The following NRXN3 variants were observed in gnomAD, a reference collection of about 807,000 sequenced individuals.
The protein encoded by NRXN3 is neurexin III.
In NRXN3, 32 loss-of-function variants were observed where a neutral mutation model predicts 137.6. The ratio of observed to expected loss-of-function variants is 0.23; its 90% CI spans 0.18 to 0.31. The LOEUF is 0.31. Among genes scored for constraint, NRXN3 ranks in the 10% least tolerant of loss-of-function variants. The probability of loss-of-function intolerance (pLI) is 1.00; values close to 1 mark genes in which losing one functional copy is unlikely to be tolerated. For synonymous variants in NRXN3, 798 were observed against 784.5 expected (o/e 1.02, Z -0.29); for missense variants, 1,574 against 2,062.5 (o/e 0.76, Z 4.59).
chr14:78,630,805 C>T (rs2097514515), intron 4 of NRXN3, among the ~76,000 whole-genome samples: 2 of 152,120 alleles, frequency 1.3e-5, no homozygotes, highest in Non-Finnish European at 1.5e-5. Flanking sequence ...CGGGGTTTCA[C>T]CGTGTTAGCC....
intron 16 of NRXN3, among the ~76,000 whole-genome samples, chr14:79,549,244 C>G (rs2097351042): frequency 6.6e-6 from 1 of 152,110 alleles, no homozygotes; most frequent in Non-Finnish European, 1.5e-5. Flanking sequence ...AACTAAGACT[C>G]CCTCTGGGAG....
chr14:79,207,313 C>G (rs569244744), intron 15 of NRXN3, among the ~76,000 whole-genome samples: 1 of 152,164 alleles, frequency 6.6e-6, no homozygotes, highest in African/African-American at 2.4e-5. Flanking sequence ...ACCCCCACCC[C>G]GCCCCAAGCG....
chr14:78,960,932 T>C (rs980136989), intron 11 of NRXN3, among the ~76,000 whole-genome samples: 17 of 152,174 alleles, frequency 1.1e-4, no homozygotes. Flanking sequence ...GAAATGGAGT[T>C]CTTTATTGCC....
chr14:79,552,686 C>G (rs1435825825), intron 16 of NRXN3, among the ~76,000 whole-genome samples: 1 of 151,970 alleles, frequency 6.6e-6, no homozygotes, highest in Non-Finnish European at 1.5e-5. Flanking sequence ...AGATGAGTGG[C>G]CTGGAAGAAC....
At chr14:78,974,782 C>T (rs1232524336) in intron 14 of NRXN3, among the ~76,000 whole-genome samples, 1 of 151,930 alleles carries the variant, frequency 6.6e-6, no homozygotes, top group Admixed American at 6.6e-5. Flanking sequence ...GACTATTACT[C>T]ACAAGCTGGC....
intron 16 of NRXN3, among the ~76,000 whole-genome samples, chr14:79,606,251 A>C (rs2098014560): frequency 6.6e-6 from 1 of 152,186 alleles, no homozygotes; most frequent in South Asian, 2.1e-4. Flanking sequence ...TAAATAAATA[A>C]ATAAACAACA....
rs550833628 is a variant in NRXN3, at chr14:79,671,528, G to C, written c.3616+7579G>C. On this transcript the variant is annotated intron_variant, in intron 17 of 20. Transcript: ENST00000335750. ...TCAGCCTCTTTCTTTTTGCGATCTT[G>C]TTTTACCTTCTAGTGCCATATCTAT... Among the ~76,000 whole-genome samples the C allele has an allele frequency of 7.9e-5, 12 of 152,048 alleles. No homozygotes were observed. The South Asian group carries it at 2.5e-3, about 32-fold the overall frequency.
chr14:79,823,954 G>A (rs2099280843), intron 20 of NRXN3: 5 of 439,916 alleles, frequency 1.1e-5, no homozygotes, highest in South Asian at 3.2e-5. Flanking sequence ...GTGGGCACAA[G>A]CTATCCTGTA....
At chr14:79,196,178 G>T (rs2065102661) in intron 15 of NRXN3, among the ~76,000 whole-genome samples, 1 of 152,196 alleles carries the variant, frequency 6.6e-6, no homozygotes, top group Non-Finnish European at 1.5e-5. Flanking sequence ...TGAGTTAAGT[G>T]AATGACTTGA....
chr14:79,706,482 C>T (rs2098780054), intron 19 of NRXN3, among the ~76,000 whole-genome samples: 1 of 133,172 alleles, frequency 7.5e-6, no homozygotes, highest in Non-Finnish European at 1.5e-5. Flanking sequence ...CCTGCATAAA[C>T]TGGCCATAAA....
At chr14:79,696,905 T>C (rs960729694) in intron 18 of NRXN3, among the ~76,000 whole-genome samples, 5 of 151,960 alleles carry the variant, frequency 3.3e-5, no homozygotes, top group African/African-American at 1.2e-4. Context: ...TATGCTTATA[T>C]TTCATACTGA....
intron 16 of NRXN3, among the ~76,000 whole-genome samples, chr14:79,504,099 C>T (rs1055305210): frequency 7.2e-5 from 11 of 152,142 alleles, no homozygotes; most frequent in Admixed American, 3.3e-4. Context: ...TTACCAGGTA[C>T]CAATCAGTTG....
chr14:78,654,416 GCA>G (rs1384783668), intron 6 of NRXN3, among the ~76,000 whole-genome samples: 1 of 152,146 alleles, frequency 6.6e-6, no homozygotes, highest in African/African-American at 2.4e-5. Flanking sequence ...TAGGGACATG[GCA>G]AAGGGCCTAT....
At chr14:78,661,652 G>T (rs986200134) in intron 6 of NRXN3, among the ~76,000 whole-genome samples, 4 of 152,218 alleles carry the variant, frequency 2.6e-5, no homozygotes, top group African/African-American at 9.7e-5. Context: ...TAACAGTTCT[G>T]CAGTATAATT....
Position 79,427,980 on chromosome 14 carries a change from T to C in NRXN3, c.3263-39241T>C, listed in dbSNP as rs778537554. On this transcript the variant is annotated intron_variant, in intron 15 of 20. Transcript: ENST00000335750. ...GATCGAGGATCCCATTCCCACGTTC[T>C]GCACGTGTGTGTGTGCGTGTGTGTG... Among the ~76,000 whole-genome samples, 119 of 152,294 alleles carry C rather than the reference T, an allele frequency of 7.8e-4. 3 individuals are homozygous for C. In the Middle Eastern group the frequency reaches 0.031, roughly 39 times the overall value.
chr14:79,500,404 T>C (rs1422502603), intron 16 of NRXN3, among the ~76,000 whole-genome samples: 1 of 152,206 alleles, frequency 6.6e-6, no homozygotes. Context: ...GGCTACTGTT[T>C]AATCAGGGAA....
intron 17 of NRXN3, among the ~76,000 whole-genome samples, chr14:79,684,393 C>A (rs533729984): frequency 6.6e-6 from 1 of 152,230 alleles, no homozygotes; most frequent in Admixed American, 6.5e-5. Context: ...ACTAGTCAGG[C>A]CTCCTGTGGG....
chr14:78,776,030 C>G (rs2098743882), intron 8 of NRXN3, among the ~76,000 whole-genome samples: 1 of 152,118 alleles, frequency 6.6e-6, no homozygotes, highest in African/African-American at 2.4e-5. Flanking sequence ...TCACCAAGAA[C>G]CAATGTTATA....
intron 10 of NRXN3, among the ~76,000 whole-genome samples, chr14:78,876,501 G>T (rs1295617328): frequency 1.3e-5 from 2 of 152,136 alleles, no homozygotes; most frequent in Non-Finnish European, 2.9e-5. Context: ...AATTATATGT[G>T]GCAGAGCACG....
Sources: gnomAD v4.1 joint callset for allele counts (sites outside exome capture counted in the v4.1 genomes callset) on GRCh38, gnomAD v4.1.1 for gene constraint, MANE v1.5 for transcripts, NCBI Gene and HGNC (gene_info 2026-07-23, HGNC 2026-07-21) for gene names.